DLG2: variants seen among roughly 807,000 people sequenced by gnomAD.
DLG2 encodes disks large homolog 2.
In DLG2, 45 loss-of-function variants were observed where a neutral mutation model predicts 132.5. The ratio of observed to expected loss-of-function variants is 0.34; its 90% CI spans 0.27 to 0.44. The LOEUF (loss-of-function observed/expected upper bound fraction) is 0.44, where lower values mean the gene tolerates loss of function less well. DLG2 is among the 20% of genes least tolerant of loss of function. The pLI is 1.00. For missense variants in DLG2, 1,045 were observed against 1,196.9 expected, an observed-to-expected ratio of 0.87 and a Z score of 1.87; for synonymous variants, 424 against 419.6, an observed-to-expected ratio of 1.01 and a Z score of -0.13.
At chr11:83,493,936 G>A (rs193128735) in intron 21 of DLG2, among the ~76,000 whole-genome samples, 1 of 152,226 alleles carries the variant, frequency 6.6e-6, no homozygotes, top group African/African-American at 2.4e-5. Context: ...TCAATCTAAA[G>A]AGAATGTGAT....
At chr11:84,726,905 T>G (rs2062541816) in intron 6 of DLG2, among the ~76,000 whole-genome samples, 1 of 152,256 alleles carries the variant, frequency 6.6e-6, no homozygotes, top group Non-Finnish European at 1.5e-5. Flanking sequence ...TGTCTTCTTT[T>G]GAGAAGTGTC....
At chr11:84,060,535 CTCT>C (rs1437979642) in intron 10 of DLG2, among the ~76,000 whole-genome samples, 1 of 44,484 alleles carries the variant, frequency 2.2e-5, no homozygotes, top group Non-Finnish European at 8.2e-5. Context: ...TCAAACTTTC[CTCT>C]TTTTTTTTTT....
intron 3 of DLG2, among the ~76,000 whole-genome samples, chr11:85,318,533 C>A (rs1407233698): frequency 6.6e-6 from 1 of 151,764 alleles, no homozygotes; most frequent in Non-Finnish European, 1.5e-5. Context: ...CATTTTTCAT[C>A]ATCTTTGAGC....
intron 22 of DLG2, 130 bp downstream of exon 22, chr11:83,483,999 G>T (rs2093335001): frequency 2.8e-6 from 2 of 725,744 alleles, no homozygotes; most frequent in Middle Eastern, 2.4e-4. Context: ...CACAGTAGTA[G>T]ACCTGCCCTG....
intron 6 of DLG2, among the ~76,000 whole-genome samples, chr11:84,733,513 T>C (rs533143968): frequency 6.6e-6 from 1 of 152,178 alleles, no homozygotes; most frequent in South Asian, 2.1e-4. Flanking sequence ...ATTTGTTTCA[T>C]TTCTTTGTAG....
At chr11:84,045,544 A>G (rs1429893736) in intron 11 of DLG2, among the ~76,000 whole-genome samples, 2 of 151,774 alleles carry the variant, frequency 1.3e-5, no homozygotes, top group Non-Finnish European at 3.0e-5. Context: ...CAACAAAAAG[A>G]TTCTTAAAAA....
At chr11:83,960,138 T>C (rs756644445) in intron 14 of DLG2, among the ~76,000 whole-genome samples, 1 of 152,044 alleles carries the variant, frequency 6.6e-6, no homozygotes, top group Admixed American at 6.6e-5. Context: ...ACAAATGCCC[T>C]TCCTCATCTC....
intron 19 of DLG2, among the ~76,000 whole-genome samples, chr11:83,573,443 CTCT>C (rs1249286304): frequency 5.9e-5 from 9 of 152,234 alleles, no homozygotes; most frequent in African/African-American, 1.7e-4. Context: ...GTTCAGAACT[CTCT>C]TCTTTCTCAT....
chr11:84,545,742 G>T, intron 6 of DLG2: 1 of 204,374 alleles, frequency 4.9e-6, no homozygotes, highest in Non-Finnish European at 9.7e-6. Context: ...TAATGTCTTA[G>T]GTGATGTTCT....
chr11:84,767,511 A>C (rs958122933), intron 6 of DLG2, among the ~76,000 whole-genome samples: 1 of 152,086 alleles, frequency 6.6e-6, no homozygotes, highest in Non-Finnish European at 1.5e-5. Flanking sequence ...TCAAAATGCA[A>C]TTTAAAATAT....
At chr11:83,688,235 T>C (rs1176402992) in intron 18 of DLG2, among the ~76,000 whole-genome samples, 4 of 152,230 alleles carry the variant, frequency 2.6e-5, no homozygotes, top group Non-Finnish European at 1.5e-5. Flanking sequence ...TTCCTTAGTC[T>C]TGTCCCCTTC....
At chr11:84,750,941 T>C (rs894599560) in intron 6 of DLG2, among the ~76,000 whole-genome samples, 2 of 152,198 alleles carry the variant, frequency 1.3e-5, no homozygotes, top group South Asian at 2.1e-4. Context: ...AATGTAATGC[T>C]TATAAGATTG....
At chr11:83,791,400 G>C (rs1458961699) in intron 17 of DLG2, 3 of 666,352 alleles carry the variant, frequency 4.5e-6, no homozygotes, top group Admixed American at 4.7e-5. Flanking sequence ...CACCTTTTTC[G>C]TCTTTCCTGT....
intron 6 of DLG2, among the ~76,000 whole-genome samples, chr11:85,061,256 T>C (rs686466): frequency 1.7e-4 from 26 of 152,020 alleles, no homozygotes; most frequent in African/African-American, 5.3e-4. Context: ...TTTTTGTTTT[T>C]GTAGCCTGTG....
chr11:83,478,966 GATA>G (rs1322910498), intron 22 of DLG2, among the ~76,000 whole-genome samples: 2 of 151,882 alleles, frequency 1.3e-5, no homozygotes, highest in Non-Finnish European at 2.9e-5. Flanking sequence ...CTGAAATTAG[GATA>G]ATAATAAAAT....
At chr11:83,530,651 C>T (rs57437963) in intron 21 of DLG2, among the ~76,000 whole-genome samples, 27,419 of 151,804 alleles carry the variant, frequency 0.18, 2,713 homozygotes, top group Non-Finnish European at 0.19. Context: ...CACTTCATGG[C>T]GAAAGACCGA....
intron 3 of DLG2, among the ~76,000 whole-genome samples, chr11:85,303,396 T>C (rs2079731227): frequency 6.6e-6 from 1 of 152,192 alleles, no homozygotes; most frequent in Non-Finnish European, 1.5e-5. Flanking sequence ...ATGATAATAA[T>C]AGCAGAGGGA....
chr11:84,045,608 G>A (rs543473630), intron 11 of DLG2, among the ~76,000 whole-genome samples: 4 of 151,700 alleles, frequency 2.6e-5, no homozygotes, highest in South Asian at 2.1e-4. Flanking sequence ...TGGAGCTCAC[G>A]TGCACAAAAT....
intron 3 of DLG2, among the ~76,000 whole-genome samples, chr11:85,489,623 G>C (rs1320630891): frequency 2.0e-5 from 3 of 152,106 alleles, no homozygotes; most frequent in Admixed American, 1.3e-4. Flanking sequence ...CACATGGAAG[G>C]TTCTCTAAGA....
Sources: gnomAD v4.1 joint callset for allele counts (sites outside exome capture counted in the v4.1 genomes callset) on GRCh38, gnomAD v4.1.1 for gene constraint, MANE v1.5 for transcripts, NCBI Gene and HGNC (gene_info 2026-07-23, HGNC 2026-07-21) for gene names.